MAST4: variants seen among roughly 807,000 people sequenced by gnomAD.
MAST4 encodes microtubule associated serine/threonine kinase family member 4, also known as microtubule-associated serine/threonine-protein kinase 4.
MAST4 carries 89 observed loss-of-function variants against 162.7 expected under a neutral mutation model. That is an observed-to-expected ratio of 0.55 (90% CI 0.46 to 0.65). The LOEUF (loss-of-function observed/expected upper bound fraction) is 0.65, where lower values mean the gene tolerates loss of function less well. Ranked by LOEUF, MAST4 falls within the 30% of genes least tolerant of loss-of-function variation. MAST4 has a pLI of 0.00. For missense variants in MAST4, 3,153 were observed against 3,374.0 expected (o/e 0.93, Z 1.62); for synonymous variants, 1,479 against 1,361.1 (o/e 1.09, Z -1.91).
At chr5:66,602,970 A>G (rs947879865) in intron 1 of MAST4, among the ~76,000 whole-genome samples, 2 of 152,162 alleles carry the variant, frequency 1.3e-5, no homozygotes, top group Admixed American at 6.5e-5. Flanking sequence ...AGTACCCAGC[A>G]TGGTGTGTGG....
At chr5:67,026,426 TCA>T (rs1247009519) in intron 4 of MAST4, among the ~76,000 whole-genome samples, 1 of 152,212 alleles carries the variant, frequency 6.6e-6, no homozygotes, top group Non-Finnish European at 1.5e-5. Context: ...GGGTACAGAC[TCA>T]CAGCCTGATA....
intron 1 of MAST4, among the ~76,000 whole-genome samples, chr5:66,740,991 A>C (rs1752449291): frequency 6.6e-6 from 1 of 152,174 alleles, no homozygotes; most frequent in Non-Finnish European, 1.5e-5. Flanking sequence ...AACACTTAAG[A>C]TGGTGCCTGG....
At position 67,078,770 on chromosome 5, in the gene MAST4, ATATATT is replaced by A. The variant is rs1245656675; in HGVS notation, c.764-11388_764-11383del. Among the ~76,000 whole-genome samples the A allele has an allele frequency of 5.9e-4, 76 of 129,900 alleles. No individual in the cohort carries two copies. In the East Asian group the frequency reaches 0.015, roughly 26 times the overall value. 85.2% of individuals were successfully genotyped at this position (129,900 alleles called of 152,430 possible). A position where few individuals can be genotyped will look rare whatever the true frequency, so the allele number is the denominator to read the frequency against. ...TATTTATTTATATTTATCTAAATATATATATTTATTTATATTTATCTAAATATATTT... is the reference window on the plus strand; with the variant it reads ...TATTTATTTATATTTATCTAAATATATATTTATATTTATCTAAATATATTT... On this transcript the variant is annotated intron_variant, in intron 5 of 28. Transcript: ENST00000403625.
chr5:67,061,158 CTGTG>C lies in MAST4; in HGVS notation c.763+6680_763+6683del, dbSNP rs10538886. On this transcript the variant is annotated intron_variant, in intron 5 of 28. Coordinates refer to ENST00000403625, the MANE Select transcript of MAST4 (RefSeq NM_001164664.2). The stretch of plus-strand genomic sequence containing the variant: ...TTCAGTCTTTTTTCCTGTATGTACT[CTGTG>C]TGTGTGTGTGTGTCCATCTGAACAT... 2.5e-3 allele frequency among the ~76,000 whole-genome samples: 383 copies of C among 151,272 alleles called. 5 individuals carry two copies. Among genetic ancestry groups the C allele is most frequent in the East Asian group, 0.023 (116 of 5,136 alleles).
chr5:66,919,137 C>CACAA (rs946950174), intron 4 of MAST4, among the ~76,000 whole-genome samples: 26 of 150,260 alleles, frequency 1.7e-4, no homozygotes, highest in Admixed American at 4.0e-4. Flanking sequence ...CACACACACA[C>CACAA]AAATTTGAGA....
chr5:66,991,436 G>A (rs1054979609), intron 4 of MAST4, among the ~76,000 whole-genome samples: 10 of 152,150 alleles, frequency 6.6e-5, no homozygotes, highest in Non-Finnish European at 1.3e-4. Context: ...AAGCACATAC[G>A]AAATAGCCTT....
rs140793045 is a variant in MAST4 at position 66,792,520 on chromosome 5, A to G, written c.642+3726A>G. On this transcript the variant is annotated intron_variant, in intron 3 of 28. Coordinates refer to ENST00000403625, the MANE Select transcript of MAST4 (RefSeq NM_001164664.2). ...ATTCAGTAAATAATGTTGAAGGAAT[A>G]AATAATTATTTATGGAAAAGTGACT... is the stretch of plus-strand genomic sequence containing the variant. 124 of 155,094 alleles carry G rather than the reference A, an allele frequency of 8.0e-4. 1 individual carries two copies. Among genetic ancestry groups the G allele is most frequent in the East Asian group, 7.1e-3 (37 of 5,192 alleles). 9.6% of individuals were successfully genotyped at this position (155,094 alleles called of 1,614,324 possible).
At chr5:66,727,381 T>C (rs1751590230) in intron 1 of MAST4, among the ~76,000 whole-genome samples, 2 of 152,190 alleles carry the variant, frequency 1.3e-5, no homozygotes, top group African/African-American at 4.8e-5. Flanking sequence ...CACTAATGGG[T>C]CAAGACCCAC....
chr5:66,852,804 C>G (rs927566397), intron 3 of MAST4, among the ~76,000 whole-genome samples: 1 of 152,144 alleles, frequency 6.6e-6, no homozygotes, highest in Non-Finnish European at 1.5e-5. Context: ...AAAGGATATC[C>G]TAATGAAATG....
At chr5:67,013,229 T>G (rs553051901) in intron 4 of MAST4, among the ~76,000 whole-genome samples, 1 of 152,350 alleles carries the variant, frequency 6.6e-6, no homozygotes, top group South Asian at 2.1e-4. Context: ...GAATAAGCTT[T>G]TAGCTGTTCA....
At chr5:66,850,934 T>C (rs1380886147) in intron 3 of MAST4, among the ~76,000 whole-genome samples, 1 of 149,672 alleles carries the variant, frequency 6.7e-6, no homozygotes, top group Non-Finnish European at 1.5e-5. Context: ...TAAGCCTTTT[T>C]TTTTTTTTTT....
rs530576186 is a variant in MAST4, at chr5:66,635,946, GTTTTTTTTTTT to G, written c.363+38947_363+38957del. Reference sequence around the variant, plus strand: ...AAAATCACTGCATAAGATAGAGACTGTTTTTTTTTTTTTTTTTTTTTTTTTTTTTCGAGACA... The same window carrying G: ...AAAATCACTGCATAAGATAGAGACTGTTTTTTTTTTTTTTTTTTCGAGACA... On this transcript the variant is annotated intron_variant, in intron 1 of 28. Transcript: ENST00000403625. Among the ~76,000 whole-genome samples the G allele has an allele frequency of 5.7e-3, 237 of 41,300 alleles. 1 individual carries two copies. Among genetic ancestry groups the G allele is most frequent in the African/African-American group, 0.016 (198 of 12,282 alleles). The allele number at this position is 41,300 out of a possible 152,430, so 27.1% of individuals were successfully genotyped here. A position where few individuals can be genotyped will look rare whatever the true frequency, so the allele number is the denominator to read the frequency against.
At chr5:67,010,217 G>A (rs2150349672) in intron 4 of MAST4, among the ~76,000 whole-genome samples, 1 of 152,322 alleles carries the variant, frequency 6.6e-6, no homozygotes, top group East Asian at 1.9e-4. Context: ...AAATGAGATA[G>A]ATGAGTACTT....
chr5:66,993,599 A>G (rs1284008189), intron 4 of MAST4, among the ~76,000 whole-genome samples: 1 of 152,172 alleles, frequency 6.6e-6, no homozygotes, highest in Non-Finnish European at 1.5e-5. Context: ...AAAGATGTGC[A>G]GGTTTCCAAG....
intron 1 of MAST4, among the ~76,000 whole-genome samples, chr5:66,713,115 T>A (rs1470545385): frequency 3.3e-5 from 5 of 152,246 alleles, no homozygotes; most frequent in Non-Finnish European, 5.9e-5. Context: ...CTGCTTCTTA[T>A]TTCTTCTTTC....
At chr5:67,160,965 AAC>A (rs1033408496) in intron 27 of MAST4, among the ~76,000 whole-genome samples, 3 of 152,264 alleles carry the variant, frequency 2.0e-5, no homozygotes, top group African/African-American at 7.2e-5. Context: ...TCAAAAAACA[AAC>A]AGTTGCTATT....
intron 3 of MAST4, among the ~76,000 whole-genome samples, chr5:66,848,944 C>T (rs1365444058): frequency 6.6e-6 from 1 of 152,172 alleles, no homozygotes. Context: ...TTTTATGCTG[C>T]GTTCCCCAGC....
chr5:66,600,078 A>AT (rs1243548069), intron 1 of MAST4, among the ~76,000 whole-genome samples: 1 of 152,172 alleles, frequency 6.6e-6, no homozygotes, highest in African/African-American at 2.4e-5. Context: ...AGTTTGACTT[A>AT]TTTTTTACTT....
At chr5:66,687,625 TGTG>T (rs1482589201) in intron 1 of MAST4, among the ~76,000 whole-genome samples, 2 of 128,794 alleles carry the variant, frequency 1.6e-5, no homozygotes, top group African/African-American at 6.3e-5. Context: ...TATACATAGA[TGTG>T]TGTGTGTTTA....
Sources: gnomAD v4.1 joint callset for allele counts (sites outside exome capture counted in the v4.1 genomes callset) on GRCh38, gnomAD v4.1.1 for gene constraint, MANE v1.5 for transcripts, NCBI Gene and HGNC (gene_info 2026-07-23, HGNC 2026-07-21) for gene names.